MBP: variants seen among roughly 807,000 people sequenced by gnomAD.
MBP encodes myelin basic protein.
MBP carries 16 observed loss-of-function variants against 35.8 expected under a neutral mutation model. That is an observed-to-expected ratio of 0.45 (90% CI 0.30 to 0.68). The LOEUF (loss-of-function observed/expected upper bound fraction) is 0.68. Ranked by LOEUF, MBP falls within the 30% of genes least tolerant of loss-of-function variation. The pLI, the probability that MBP is intolerant of heterozygous loss-of-function variation, is 0.08. For synonymous variants in MBP, 143 were observed against 159.6 expected (o/e 0.90, Z 0.78); for missense variants, 380 against 404.7 (o/e 0.94, Z 0.52).
intron 2 of MBP, among the ~76,000 whole-genome samples, chr18:77,092,769 C>A (rs576353163): frequency 6.6e-6 from 1 of 152,240 alleles, no homozygotes; most frequent in Non-Finnish European, 1.5e-5. Flanking sequence ...CTAGCCAGAC[C>A]CCTCGGAGAA....
chr18:77,086,621 C>T (rs1295966042), intron 2 of MBP, among the ~76,000 whole-genome samples: 1 of 152,190 alleles, frequency 6.6e-6, no homozygotes, highest in Non-Finnish European at 1.5e-5. Context: ...CTGAGTTATT[C>T]ATGAAACAAT....
chr18:77,047,135 G>A (rs1417473352), intron 3 of MBP, among the ~76,000 whole-genome samples: 1 of 152,244 alleles, frequency 6.6e-6, no homozygotes, highest in Non-Finnish European at 1.5e-5. Flanking sequence ...CCACGGCTGG[G>A]TGCCTGCCCA....
intron 1 of MBP, among the ~76,000 whole-genome samples, chr18:77,119,456 T>C (rs1031525452): frequency 1.3e-5 from 2 of 151,648 alleles, no homozygotes; most frequent in Admixed American, 1.3e-4. Context: ...AGGCACATGG[T>C]ACATGGTAGG....
chr18:77,082,094 C>T (rs918061574), intron 2 of MBP, among the ~76,000 whole-genome samples: 10 of 151,896 alleles, frequency 6.6e-5, no homozygotes, highest in Non-Finnish European at 1.2e-4. Context: ...CCTTGTGATC[C>T]GCCCGCCTCG....
intron 2 of MBP, 155 bp from the exon 3 acceptor site, chr18:77,066,540 G>C (rs767658092): frequency 3.9e-6 from 3 of 770,946 alleles, no homozygotes; most frequent in Non-Finnish European, 7.1e-6. Context: ...TTCAGAGGAG[G>C]GTTTTCTGCG....
chr18:77,121,945 G>C (rs767292024), intron 1 of MBP, among the ~76,000 whole-genome samples: 2 of 152,148 alleles, frequency 1.3e-5, no homozygotes, highest in Non-Finnish European at 2.9e-5. Flanking sequence ...GAGAGTCTTT[G>C]TTGTTGTTGT....
chr18:76,995,619 A>G (rs914832473), intron 4 of MBP, among the ~76,000 whole-genome samples: 2 of 152,050 alleles, frequency 1.3e-5, no homozygotes, highest in Non-Finnish European at 1.5e-5. Flanking sequence ...TTGAACATCC[A>G]TATGTTAAAA....
chr18:76,984,558 T>G (rs1461499635), intron 8 of MBP: 6 of 609,786 alleles, frequency 9.8e-6, no homozygotes, highest in Non-Finnish European at 1.7e-5. Flanking sequence ...CAGCCCTTCC[T>G]CAAGCACCTC....
At chr18:77,075,648 T>C (rs1313425956) in intron 2 of MBP, among the ~76,000 whole-genome samples, 1 of 152,144 alleles carries the variant, frequency 6.6e-6, no homozygotes, top group African/African-American at 2.4e-5. Flanking sequence ...ACAAAATGGT[T>C]TCTATTGAAG....
In MBP at chr18:77,023,215, G is replaced by A. The variant is rs540654479; in HGVS notation, c.140-5947C>T. 2.0e-5 allele frequency among the ~76,000 whole-genome samples: 3 copies of A among 152,266 alleles called. No individual in the cohort carries two copies. The South Asian group carries it at 6.2e-4, about 32-fold the overall frequency. On this transcript the variant is annotated intron_variant, in intron 3 of 8. Coordinates refer to ENST00000355994, the MANE Select transcript of MBP (RefSeq NM_001025101.2). ...GAGGCACAGAAATGCACAGCAGGAC[G>A]CAGCTGTGATATGTGGGGGATAGCG...
At chr18:77,126,683 A>C (rs1211365167) in intron 1 of MBP, among the ~76,000 whole-genome samples, 1 of 152,250 alleles carries the variant, frequency 6.6e-6, no homozygotes, top group Non-Finnish European at 1.5e-5. Flanking sequence ...AAGGCAGCTC[A>C]GTAGGTTGCA....
At chr18:77,059,772 A>C (rs2060649) in intron 3 of MBP, among the ~76,000 whole-genome samples, 148,740 of 152,258 alleles carry the variant, frequency 0.98, 72,746 homozygotes, top group East Asian at 1. Context: ...TAAGAGATGC[A>C]CCGCCTTCAA....
intron 3 of MBP, 73 bp downstream of exon 3, chr18:77,066,225 G>C (rs543700303): frequency 1.7e-5 from 19 of 1,118,876 alleles, no homozygotes; most frequent in Admixed American, 7.4e-5. Flanking sequence ...AAAATCAAAG[G>C]CTTCCCCGAG....
intron 2 of MBP, among the ~76,000 whole-genome samples, chr18:77,088,065 C>T (rs1260536055): frequency 3.3e-5 from 5 of 152,112 alleles, no homozygotes; most frequent in African/African-American, 1.2e-4. Context: ...CTACGGGGCT[C>T]CTAAGGCCGG....
At chr18:76,997,729 C>G (rs1170651813) in intron 4 of MBP, among the ~76,000 whole-genome samples, 2 of 150,864 alleles carry the variant, frequency 1.3e-5, no homozygotes, top group Non-Finnish European at 3.0e-5. Context: ...GTCCCCCAGG[C>G]TGGAGTGCAG....
chr18:77,129,672 C>T (rs973242291), intron 1 of MBP, among the ~76,000 whole-genome samples: 2 of 152,326 alleles, frequency 1.3e-5, no homozygotes, highest in Non-Finnish European at 2.9e-5. Flanking sequence ...GCTTCCTTCA[C>T]GGGTTCCAAT....
rs549536402 is a variant in MBP at position 77,021,724 on chromosome 18, C to A, written c.140-4456G>T. Among the ~76,000 whole-genome samples the A allele has an allele frequency of 2.9e-4, 44 of 152,232 alleles. No individual in the cohort carries two copies. The South Asian group carries it at 4.8e-3, about 16-fold the overall frequency. On this transcript the variant is annotated intron_variant, in intron 3 of 8. Coordinates refer to ENST00000355994, the MANE Select transcript of MBP (RefSeq NM_001025101.2). ...GGTCTCGAACTCCTGACCTCGTGAT[C>A]CACCTGCCTCGGCCCCGCAAAGTGC...
chr18:77,015,663 G>A (rs1206678005), intron 4 of MBP: 1 of 985,282 alleles, frequency 1.0e-6, no homozygotes, highest in Non-Finnish European at 1.2e-6. Context: ...CTGAAACTTC[G>A]ATGTGCTTTC....
At chr18:77,097,862 G>A (rs964743357) in intron 2 of MBP, among the ~76,000 whole-genome samples, 2 of 152,178 alleles carry the variant, frequency 1.3e-5, no homozygotes, top group African/African-American at 2.4e-5. Flanking sequence ...CAGCCTTGGC[G>A]ATACTGAGTG....
Sources: gnomAD v4.1 joint callset for allele counts (sites outside exome capture counted in the v4.1 genomes callset) on GRCh38, gnomAD v4.1.1 for gene constraint, MANE v1.5 for transcripts, NCBI Gene and HGNC (gene_info 2026-07-23, HGNC 2026-07-21) for gene names.